Variants in DNM1L observed in about 807,000 individuals in gnomAD.
DNM1L encodes the protein dynamin-1-like protein.
A neutral mutation model predicts 92.8 loss-of-function variants in DNM1L; 33 were observed. That is an observed-to-expected ratio of 0.36 (90% confidence interval 0.27 to 0.48). DNM1L has a LOEUF of 0.48. Ranked by LOEUF, DNM1L falls within the 20% of genes least tolerant of loss-of-function variation. The pLI, the probability that DNM1L is intolerant of heterozygous loss-of-function variation, is 0.99. For synonymous variants in DNM1L, 284 were observed against 305.0 expected, an observed-to-expected ratio of 0.93 and a Z score of 0.72; for missense variants, 485 against 888.8, an observed-to-expected ratio of 0.55 and a Z score of 5.78.
intron 2 of DNM1L, among the ~76,000 whole-genome samples, chr12:32,704,191 A>C (rs1952825938): frequency 6.6e-6 from 1 of 152,188 alleles, no homozygotes; most frequent in Admixed American, 6.5e-5. Context: ...AATGTGAAAA[A>C]AAAATTTATT....
In DNM1L at chr12:32,717,418, AAATATATACT is replaced by A. The variant is rs1204794254; in HGVS notation, c.620-1223_620-1214del. ...ATATATAATATATAATATATATTTT[AAATATATACT>A]ATATATATTTTAAATATATACTATA... On this transcript the variant is annotated intron_variant, in intron 6 of 19. Coordinates refer to ENST00000549701, the MANE Select transcript of DNM1L (RefSeq NM_012062.5). Among the ~76,000 whole-genome samples the A allele has an allele frequency of 1.3e-3, 56 of 42,424 alleles. 2 individuals carry two copies. The highest frequency in any genetic ancestry group is 6.8e-3 in the South Asian group (17 of 2,516). 27.8% of individuals were successfully genotyped at this position (42,424 alleles called of 152,430 possible).
intron 4 of DNM1L, chr12:32,709,641 T>C (rs993904989): frequency 3.9e-5 from 6 of 152,232 alleles, no homozygotes; most frequent in Non-Finnish European, 2.9e-5. Flanking sequence ...TTTGATCTTA[T>C]ATAATTTTTA....
intron 3 of DNM1L, 133 bp from the exon 4 acceptor site, chr12:32,708,020 G>A (rs1952992088): frequency 3.4e-6 from 2 of 585,606 alleles, no homozygotes; most frequent in Admixed American, 6.2e-5. Flanking sequence ...CAGAAAATAT[G>A]TATACATTAG....
chr12:32,726,613 C>T, intron 9 of DNM1L: 1 of 1,089,284 alleles, frequency 9.2e-7, no homozygotes, highest in Non-Finnish European at 1.4e-6. Flanking sequence ...TCAGCATCAT[C>T]ATCCAGATCT....
intron 7 of DNM1L, among the ~76,000 whole-genome samples, chr12:32,720,439 C>T (rs1434104547): frequency 3.9e-5 from 6 of 152,310 alleles, no homozygotes; most frequent in Admixed American, 3.3e-4. Context: ...TAGTTCAAGT[C>T]TTGGCTATGC....
intron 4 of DNM1L, among the ~76,000 whole-genome samples, 173 bp from the exon 5 acceptor site, chr12:32,710,756 A>G (rs190827580): frequency 3.3e-5 from 5 of 152,302 alleles, no homozygotes; most frequent in African/African-American, 1.2e-4. Context: ...ACCTGTTAAT[A>G]TGGCTGGCTA....
chr12:32,717,296 T>A lies in DNM1L; in HGVS notation c.620-1347T>A, dbSNP rs866055692. Among the ~76,000 whole-genome samples the A allele has an allele frequency of 1.2e-3, 104 of 87,526 alleles. 1 individual carries two copies. Among genetic ancestry groups the A allele is most frequent in the African/African-American group, 4.9e-3 (96 of 19,442 alleles). 57.4% of individuals were successfully genotyped at this position (87,526 alleles called of 152,430 possible). On this transcript the variant is annotated intron_variant, in intron 6 of 19. Transcript: ENST00000549701. ...ATATATTATATATACACTATATATT[T>A]TATATATACTATATATTATATATAC... is the stretch of plus-strand genomic sequence containing the variant.
chr12:32,739,109 A>G (rs891694555), intron 16 of DNM1L, among the ~76,000 whole-genome samples: 1 of 152,180 alleles, frequency 6.6e-6, no homozygotes, highest in Non-Finnish European at 1.5e-5. Context: ...TAACATAAAT[A>G]TACTACTTAT....
At chr12:32,715,838 T>A (rs992778303) in intron 6 of DNM1L, among the ~76,000 whole-genome samples, 1 of 152,198 alleles carries the variant, frequency 6.6e-6, no homozygotes, top group African/African-American at 2.4e-5. Context: ...TGTAGTCATT[T>A]TGGGAAACAG....
chr12:32,718,722 G>A lies in DNM1L; in HGVS notation c.699G>A (p.Arg233=). ...ATGCCATGGATGTATTGATGGGAAGGGTTATTCCAGTCAAACTTGGAATAA... is the reference window on the plus strand; with the variant it reads ...ATGCCATGGATGTATTGATGGGAAGAGTTATTCCAGTCAAACTTGGAATAA... ...GTDAMDVLMG[R]VIPVKLGIIG... The change falls in exon 7 of 20, where the codon AGG becomes AGA. Residue 233 remains arginine, a synonymous_variant. Coordinates refer to ENST00000549701, the MANE Select transcript of DNM1L (RefSeq NM_012062.5). The A allele has an allele frequency of 6.2e-7, 1 of 1,613,860 alleles. No individual in the cohort carries two copies. The highest frequency in any genetic ancestry group is 8.5e-7 in the Non-Finnish European group (1 of 1,179,882).
At chr12:32,713,180 A>G (rs746476835) in intron 5 of DNM1L, 29 bp from the exon 6 acceptor site, 4 of 1,612,458 alleles carry the variant, frequency 2.5e-6, no homozygotes, top group Non-Finnish European at 3.4e-6. Context: ...TTTAATTATT[A>G]GTTCCTTGCT....
chr12:32,711,401 C>T, intron 5 of DNM1L: 1 of 203,256 alleles, frequency 4.9e-6, no homozygotes, highest in South Asian at 8.7e-5. Context: ...TCAAATATCT[C>T]CAGACTTGTA....
At chr12:32,697,606 C>T (rs1246851271) in intron 1 of DNM1L, among the ~76,000 whole-genome samples, 1 of 151,910 alleles carries the variant, frequency 6.6e-6, no homozygotes, top group Non-Finnish European at 1.5e-5. Context: ...AACCACAGCT[C>T]TTGGTGTGGA....
At chr12:32,682,917 G>A (rs1464563300) in intron 1 of DNM1L, among the ~76,000 whole-genome samples, 1 of 152,192 alleles carries the variant, frequency 6.6e-6, no homozygotes, top group Non-Finnish European at 1.5e-5. Flanking sequence ...TGGGGAGAGA[G>A]AGAAGGCTGA....
chr12:32,683,036 G>A (rs897266878), intron 1 of DNM1L, among the ~76,000 whole-genome samples: 6 of 152,042 alleles, frequency 3.9e-5, no homozygotes, highest in Non-Finnish European at 8.8e-5. Flanking sequence ...ATTAAGAATT[G>A]GAAAGGGGAG....
chr12:32,702,861 A>G, intron 2 of DNM1L, among the ~76,000 whole-genome samples: 1 of 152,160 alleles, frequency 6.6e-6, no homozygotes, highest in East Asian at 1.9e-4. Flanking sequence ...TATGTTATTC[A>G]TCACTTTGCA....
rs761716413 is a variant in DNM1L at position 32,745,476 on chromosome 12, A to G, written c.*2066A>G. On this transcript the variant is annotated 3_prime_UTR_variant, in exon 20 of 20. Coordinates refer to ENST00000549701, the MANE Select transcript of DNM1L (RefSeq NM_012062.5). ...GCCCTTAAACTGAGTCAAGATCTGA[A>G]ATGTAGAGATGATCTCTGACGATAC... is the stretch of plus-strand genomic sequence containing the variant. 1 of 153,706 alleles carries G rather than the reference A, an allele frequency of 6.5e-6. No homozygotes were observed. Among genetic ancestry groups the G allele is most frequent in the Non-Finnish European group, 1.4e-5 (1 of 69,282 alleles). 9.5% of individuals were successfully genotyped at this position (153,706 alleles called of 1,614,324 possible).
intron 1 of DNM1L, among the ~76,000 whole-genome samples, chr12:32,684,477 C>CTTTTTT (rs768276200): frequency 8.9e-5 from 13 of 146,086 alleles, no homozygotes; most frequent in Non-Finnish European, 1.1e-4. Flanking sequence ...CAACATAATT[C>CTTTTTT]TTTTTTTTTT....
intron 2 of DNM1L, chr12:32,706,904 G>C (rs888856430): frequency 3.4e-6 from 1 of 296,256 alleles, no homozygotes; most frequent in Non-Finnish European, 6.6e-6. Flanking sequence ...AGTCATATGT[G>C]TACATCTGTT....
Sources: allele counts gnomAD v4.1 joint callset (sites outside exome capture counted in the v4.1 genomes callset), GRCh38; gene constraint gnomAD v4.1.1; transcripts MANE v1.5; gene names NCBI Gene and HGNC (gene_info 2026-07-23, HGNC 2026-07-21).